KLHDC10: variants seen among roughly 807,000 people sequenced by gnomAD.
KLHDC10 encodes the protein kelch domain containing 10, also known as kelch domain-containing protein 10.
A neutral mutation model predicts 56.1 loss-of-function variants in KLHDC10; 24 were observed. The ratio of observed to expected loss-of-function variants is 0.43; its 90% CI spans 0.31 to 0.60. The LOEUF (loss-of-function observed/expected upper bound fraction) is 0.60. KLHDC10 is among the 20% of genes least tolerant of loss of function. KLHDC10 has a pLI of 0.11. For synonymous variants in KLHDC10, 188 were observed against 207.1 expected (o/e 0.91, Z 0.79); for missense variants, 349 against 567.0 (o/e 0.62, Z 3.91).
rs1319189756 is a variant in KLHDC10 at position 130,134,911 on chromosome 7, G to A, written c.*4165G>A. 6.6e-6 allele frequency: 1 copy of A among 152,040 alleles called. No individual in the cohort carries two copies. Among genetic ancestry groups the A allele is most frequent in the East Asian group, 1.9e-4 (1 of 5,178 alleles). The allele number at this position is 152,040 out of a possible 1,614,324, so 9.4% of individuals were successfully genotyped here. A position where few individuals can be genotyped will look rare whatever the true frequency, so the allele number is the denominator to read the frequency against. ...CAGGGCCTGAGGTAGGCTTCATAGA[G>A]TTCTAGGACTTCCGTGTGCGTTGCC... On this transcript the variant is annotated 3_prime_UTR_variant, in exon 10 of 10. Coordinates refer to ENST00000335420, the MANE Select transcript of KLHDC10 (RefSeq NM_014997.4).
chr7:130,129,245 C>T (rs914470505), intron 8 of KLHDC10, among the ~76,000 whole-genome samples, 192 bp from the exon 9 acceptor site: 1 of 152,074 alleles, frequency 6.6e-6, no homozygotes, highest in African/African-American at 2.4e-5. Flanking sequence ...CAGGGAAGAC[C>T]CTGACATAGC....
At chr7:130,095,973 C>T (rs907106724) in intron 1 of KLHDC10, among the ~76,000 whole-genome samples, 1 of 152,166 alleles carries the variant, frequency 6.6e-6, no homozygotes, top group Non-Finnish European at 1.5e-5. Flanking sequence ...TTTGTTTACA[C>T]ATCTGCCTTC....
At chr7:130,127,629 T>C (rs546775891) in intron 8 of KLHDC10, among the ~76,000 whole-genome samples, 178 bp downstream of exon 8, 1 of 152,348 alleles carries the variant, frequency 6.6e-6, no homozygotes, top group South Asian at 2.1e-4. Context: ...TAATGTAAAC[T>C]AGTATGGTGT....
In KLHDC10 at chr7:130,135,106, A is replaced by AC. The variant is rs1796454927; in HGVS notation, c.*4360_*4361insC. The AC allele has an allele frequency of 7.2e-6, 1 of 137,960 alleles. No individual in the cohort carries two copies. The highest frequency in any genetic ancestry group is 7.4e-5 in the Admixed American group (1 of 13,460). The allele number at this position is 137,960 out of a possible 1,614,324, so 8.5% of individuals were successfully genotyped here. ...TTTTTAATTTGAAAAAAAAAAAAAA[A>AC]AAAAAACAACTTTTTATAAGTTTTT... On this transcript the variant is annotated 3_prime_UTR_variant, in exon 10 of 10. Coordinates refer to ENST00000335420, the MANE Select transcript of KLHDC10 (RefSeq NM_014997.4).
chr7:130,106,080 C>T (rs1349832056), intron 2 of KLHDC10, among the ~76,000 whole-genome samples: 1 of 152,000 alleles, frequency 6.6e-6, no homozygotes, highest in Non-Finnish European at 1.5e-5. Context: ...ACCTGGGAGG[C>T]GGAGGCAGTG....
intron 1 of KLHDC10, among the ~76,000 whole-genome samples, chr7:130,079,796 C>T (rs1353526401): frequency 1.5e-5 from 2 of 136,792 alleles, no homozygotes; most frequent in African/African-American, 5.4e-5. Flanking sequence ...CACACCTCCT[C>T]CCTCCCTTGC....
At chr7:130,101,011 CAAAA>C (rs571614786) in intron 2 of KLHDC10, among the ~76,000 whole-genome samples, 3,726 of 97,740 alleles carry the variant, frequency 0.038, 58 homozygotes, top group Non-Finnish European at 0.068. Context: ...AAAAAAAAAA[CAAAA>C]AAAACAGAAA....
intron 2 of KLHDC10, among the ~76,000 whole-genome samples, chr7:130,107,204 C>G (rs765158612): frequency 6.6e-6 from 1 of 152,298 alleles, no homozygotes; most frequent in East Asian, 1.9e-4. Flanking sequence ...AAGATGTCCA[C>G]TGTCATCTCC....
chr7:130,079,319 A>G (rs1795565663), intron 1 of KLHDC10, among the ~76,000 whole-genome samples: 1 of 152,104 alleles, frequency 6.6e-6, no homozygotes, highest in South Asian at 2.1e-4. Flanking sequence ...CGGCCTCCCA[A>G]AGTGCTGGGA....
chr7:130,115,884 T>C (rs1796160792), intron 2 of KLHDC10, among the ~76,000 whole-genome samples: 1 of 152,144 alleles, frequency 6.6e-6, no homozygotes, highest in Admixed American at 6.6e-5. Flanking sequence ...GGATGTTATT[T>C]AAAGTCAAAA....
chr7:130,082,672 C>A (rs111490036), intron 1 of KLHDC10, among the ~76,000 whole-genome samples: 4,203 of 152,236 alleles, frequency 0.028, 194 homozygotes, highest in African/African-American at 0.096. Context: ...AAAGAATAGA[C>A]TCTGTTGTTT....
chr7:130,119,801 A>G (rs7790557), intron 3 of KLHDC10, among the ~76,000 whole-genome samples: 23,266 of 147,198 alleles, frequency 0.16, 2,202 homozygotes, highest in East Asian at 0.31. Flanking sequence ...CTGAGATCAC[A>G]CCACTACACT....
intron 1 of KLHDC10, among the ~76,000 whole-genome samples, chr7:130,091,780 C>G (rs543355833): frequency 6.6e-6 from 1 of 152,138 alleles, no homozygotes; most frequent in African/African-American, 2.4e-5. Context: ...TTACTGGTTT[C>G]TCTGCTTACC....
At chr7:130,104,516 G>C (rs1795982265) in intron 2 of KLHDC10, among the ~76,000 whole-genome samples, 1 of 152,200 alleles carries the variant, frequency 6.6e-6, no homozygotes, top group Admixed American at 6.5e-5. Context: ...AGTTCAATGA[G>C]AGAATGTATG....
At position 130,120,691 on chromosome 7, in the gene KLHDC10, G is replaced by T; in HGVS notation, c.476-58G>T. The T allele has an allele frequency of 1.3e-6, 2 of 1,590,902 alleles. No individual in the cohort carries two copies. Among genetic ancestry groups the T allele is most frequent in the Non-Finnish European group, 1.7e-6 (2 of 1,162,964 alleles). The stretch of plus-strand genomic sequence containing the variant: ...AGCTTCTCAGATATTCTGGGTTTAT[G>T]TGGGAACAAATTGCAGGTAGCCATT... On this transcript the variant is annotated intron_variant, in intron 3 of 9. Coordinates refer to ENST00000335420, the MANE Select transcript of KLHDC10 (RefSeq NM_014997.4). The surrounding 1 kb of genome is among the most constrained non-coding windows in gnomAD (Gnocchi z 5.1).
Position 130,133,846 on chromosome 7 carries a change from C to T in KLHDC10, c.*3100C>T, listed in dbSNP as rs189007227. 1 of 152,294 alleles carries T rather than the reference C, an allele frequency of 6.6e-6. No individual in the cohort carries two copies. The highest frequency in any genetic ancestry group is 1.9e-4 in the East Asian group (1 of 5,186). 9.4% of individuals were successfully genotyped at this position (152,294 alleles called of 1,614,324 possible). A position where few individuals can be genotyped will look rare whatever the true frequency, so the allele number is the denominator to read the frequency against. On this transcript the variant is annotated 3_prime_UTR_variant, in exon 10 of 10. Transcript: ENST00000335420. ...TGCTTTCTTCATTTAATATTTTCCA[C>T]ATCCTGGAAAAACTATAAACTGACA...
At chr7:130,094,786 C>G (rs1022885209) in intron 1 of KLHDC10, 1 of 151,894 alleles carries the variant, frequency 6.6e-6, no homozygotes, top group South Asian at 2.1e-4. Context: ...TTAACCATCC[C>G]CTATCATTGG....
intron 1 of KLHDC10, among the ~76,000 whole-genome samples, chr7:130,093,805 G>C (rs1795812255): frequency 6.6e-6 from 1 of 152,174 alleles, no homozygotes; most frequent in Non-Finnish European, 1.5e-5. Flanking sequence ...GTCAACAGGA[G>C]TCTGTGCATA....
chr7:130,121,883 T>TA (rs1796252454), intron 4 of KLHDC10, among the ~76,000 whole-genome samples, 171 bp from the exon 5 acceptor site: 1 of 152,204 alleles, frequency 6.6e-6, no homozygotes, highest in East Asian at 1.9e-4. Flanking sequence ...TCCAGGTTCT[T>TA]AAAATAATCT....
Sources: gnomAD v4.1 joint callset for allele counts (sites outside exome capture counted in the v4.1 genomes callset) on GRCh38, gnomAD v4.1.1 for gene constraint, Gnocchi (gnomAD v3.1) non-coding constraint, MANE v1.5 for transcripts, NCBI Gene and HGNC (gene_info 2026-07-23, HGNC 2026-07-21) for gene names.